Variants in LRRC43 observed in about 807,000 individuals in gnomAD.
The protein encoded by LRRC43 is leucine rich repeat containing 43.
LRRC43 carries 62 observed loss-of-function variants against 64.3 expected under a neutral mutation model. That is an observed-to-expected ratio of 0.96 (90% confidence interval 0.79 to 1.19). The LOEUF (loss-of-function observed/expected upper bound fraction) is 1.19, where lower values mean the gene tolerates loss of function less well. LRRC43 is among the 50% of genes most tolerant of loss of function. The pLI, the probability that LRRC43 is intolerant of heterozygous loss-of-function variation, is 0.00. For missense variants in LRRC43, 868 were observed against 845.0 expected (o/e 1.03, Z -0.34); for synonymous variants, 422 against 382.3 (o/e 1.10, Z -1.21).
chr12:122,174,476 A>G (rs1953519549), intron 1 of LRRC43, among the ~76,000 whole-genome samples: 1 of 152,216 alleles, frequency 6.6e-6, no homozygotes, highest in South Asian at 2.1e-4. Context: ...TCTTGGAAGG[A>G]GCCTGTTGAT....
At chr12:122,175,770 G>A (rs935108751) in intron 1 of LRRC43, among the ~76,000 whole-genome samples, 7 of 151,506 alleles carry the variant, frequency 4.6e-5, no homozygotes, top group Admixed American at 3.3e-4. Context: ...GGGTTCAAGC[G>A]ATTCTCCTGC....
chr12:122,194,575 AAAAAAG>A (rs200192420), intron 7 of LRRC43, among the ~76,000 whole-genome samples: 37,137 of 149,552 alleles, frequency 0.25, 5,291 homozygotes, highest in East Asian at 0.7. Flanking sequence ...TCAAAAAAAA[AAAAAAG>A]AAAAGAAAAG....
chr12:122,190,390 G>A (rs756496943), intron 5 of LRRC43, 22 bp downstream of exon 5: 2 of 1,588,638 alleles, frequency 1.3e-6, no homozygotes, highest in Admixed American at 3.4e-5. Context: ...GGCATGCAGG[G>A]AGGGGGTGGC....
upstream of LRRC43, among the ~76,000 whole-genome samples, chr12:122,178,582 CTTTTTTT>C (rs57204293): frequency 6.6e-5 from 4 of 60,732 alleles, no homozygotes; most frequent in South Asian, 8.1e-4. Context: ...AGGTGGCTTT[CTTTTTTT>C]TTTTTTTTTT....
At chr12:122,201,605 T>G (rs1218487204) in intron 11 of LRRC43, among the ~76,000 whole-genome samples, 1 of 152,202 alleles carries the variant, frequency 6.6e-6, no homozygotes, top group Non-Finnish European at 1.5e-5. Context: ...GCTCATCTGG[T>G]TCCGAGGTGT....
chr12:122,175,722 A>G (rs7312610), intron 1 of LRRC43, among the ~76,000 whole-genome samples: 29,004 of 151,582 alleles, frequency 0.19, 2,906 homozygotes, highest in Admixed American at 0.26. Context: ...GCTGGAGTGC[A>G]ATAGCACGAT....
intron 1 of LRRC43, chr12:122,174,221 G>A (rs1456559032): frequency 3.1e-6 from 5 of 1,612,618 alleles, no homozygotes; most frequent in South Asian, 1.1e-5. Context: ...GGAGCCAGAT[G>A]TGTTCGCCAT....
Position 122,184,620 on chromosome 12 carries a change from G to C in LRRC43, c.252G>C (p.Leu84=). ...VSPGEETVEA[L]LGLVRSRHSP... ...CCGGAGAGGAGACGGTGGAGGCCCT[G>C]CTGGGCCTGGTCCGCAGCCGCCACT... Residue 84 remains leucine (L), a synonymous_variant, in exon 2 of 12, where the codon CTG becomes CTC. Transcript: ENST00000339777. The surrounding 1 kb of genome is among the most constrained non-coding windows in gnomAD (Gnocchi z 4.0). 2 of 1,613,892 alleles carry C rather than the reference G, an allele frequency of 1.2e-6. No homozygotes were observed. The highest frequency in any genetic ancestry group is 2.2e-5 in the East Asian group (1 of 44,872).
Position 122,192,872 on chromosome 12 carries a change from TGGA to T in LRRC43, c.1222_1224del (p.Glu408del). ...GTCGAAGGGTCTCTGGAGTCTGAGG[TGGA>T]GGAGTCAGGAGAGTCGGAGCTGTCT... On this transcript the variant is annotated inframe_deletion, in exon 7 of 12. Coordinates refer to ENST00000339777, the MANE Select transcript of LRRC43 (RefSeq NM_001098519.2). 6.2e-7 allele frequency: 1 copy of T among 1,613,990 alleles called. No individual in the cohort carries two copies. Among genetic ancestry groups the T allele is most frequent in the South Asian group, 1.1e-5 (1 of 91,066 alleles).
Position 122,192,728 on chromosome 12 carries a change from T to G in LRRC43, c.1090-17T>G. 6.2e-7 allele frequency: 1 copy of G among 1,609,774 alleles called. No individual in the cohort carries two copies. The highest frequency in any genetic ancestry group is 8.5e-7 in the Non-Finnish European group (1 of 1,176,560). ...TGAAGACGGCAGCCTTGGACGAGTTTCTGTCTCTTCCTGCAGATCGTCAAG... is the reference window on the plus strand; with the variant it reads ...TGAAGACGGCAGCCTTGGACGAGTTGCTGTCTCTTCCTGCAGATCGTCAAG... On this transcript the variant is annotated splice_polypyrimidine_tract_variant and intron_variant, in intron 6 of 11. Coordinates refer to ENST00000339777, the MANE Select transcript of LRRC43 (RefSeq NM_001098519.2).
chr12:122,199,385 C>A (rs1313594566), intron 7 of LRRC43, among the ~76,000 whole-genome samples: 4 of 149,226 alleles, frequency 2.7e-5, no homozygotes, highest in African/African-American at 7.5e-5. Context: ...CAGGTTCAAG[C>A]GATTCTCCTC....
Position 122,187,727 on chromosome 12 carries a change from C to G in LRRC43, c.549C>G (p.Ile183Met). ...TGCTGGAGCTCTACGGCAATGAGATCAGCAGCATGGAGTGTCTGTGTGCCC... is the reference window on the plus strand; with the variant it reads ...TGCTGGAGCTCTACGGCAATGAGATGAGCAGCATGGAGTGTCTGTGTGCCC... ...LKVLELYGNE[I>M]SSMECLCAHP... Residue 183 changes from isoleucine to methionine, a missense_variant, in exon 4 of 12, where the codon ATC becomes ATG. Ile to Met is a conservative substitution (Grantham distance 10). Transcript: ENST00000339777. The G allele has an allele frequency of 6.2e-7, 1 of 1,613,926 alleles. No individual in the cohort carries two copies. Among genetic ancestry groups the G allele is most frequent in the Non-Finnish European group, 8.5e-7 (1 of 1,180,034 alleles).
In LRRC43 at chr12:122,184,831, G is replaced by T; in HGVS notation, c.411+52G>T. 6.5e-7 allele frequency: 1 copy of T among 1,549,452 alleles called. No homozygotes were observed. Among genetic ancestry groups the T allele is most frequent in the Non-Finnish European group, 8.7e-7 (1 of 1,144,112 alleles). The stretch of plus-strand genomic sequence containing the variant: ...TGTTAGGGTGGCCGCTCCCCTAAGG[G>T]AGGTTGTGGGGAGGGCACCCTTCCC... On this transcript the variant is annotated intron_variant, in intron 2 of 11. Transcript: ENST00000339777. This position sits in a 1 kb window ranked among gnomAD's most constrained non-coding sequence, Gnocchi z 4.0.
intron 1 of LRRC43, among the ~76,000 whole-genome samples, chr12:122,177,997 C>T (rs1043802925): frequency 8.6e-5 from 13 of 151,770 alleles, no homozygotes; most frequent in Non-Finnish European, 1.9e-4. Context: ...GCCACCATGC[C>T]TGGTTAATTT....
chr12:122,183,082 C>T, upstream of LRRC43: 1 of 1,502,426 alleles, frequency 6.7e-7, no homozygotes, highest in Non-Finnish European at 8.8e-7. Context: ...GGTGAGAGCG[C>T]CTGGAGAGGC....
At chr12:122,191,324 C>G in intron 5 of LRRC43, 56 bp from the exon 6 acceptor site, 4 of 1,495,352 alleles carry the variant, frequency 2.7e-6, no homozygotes, top group Non-Finnish European at 2.7e-6. Context: ...CTCTTGCTTT[C>G]TATCTGCCAA....
chr12:122,200,983 C>A lies in LRRC43; in HGVS notation c.1809+49C>A, dbSNP rs776378165. The A allele has an allele frequency of 3.3e-6, 5 of 1,535,496 alleles. No individual in the cohort carries two copies. The highest frequency in any genetic ancestry group is 4.4e-6 in the Non-Finnish European group (5 of 1,143,500). ...CCTCCACCTCTGCCTTCGCCCTCCC[C>A]ATGGGAACCCCGCGGGCAAGCAAGG... On this transcript the variant is annotated intron_variant, in intron 10 of 11. Transcript: ENST00000339777. The surrounding 1 kb of genome is among the most constrained non-coding windows in gnomAD (Gnocchi z 4.6).
Position 122,183,154 on chromosome 12 carries a change from T to TC in LRRC43, c.11dup (p.Tyr5ValfsTer10). 1 of 1,545,540 alleles carries TC rather than the reference T, an allele frequency of 6.5e-7. No homozygotes were observed. The highest frequency in any genetic ancestry group is 8.7e-7 in the Non-Finnish European group (1 of 1,152,376). On this transcript the variant is annotated frameshift_variant, in exon 1 of 12. Transcript: ENST00000339777. LOFTEE classifies it high-confidence loss of function. Reference sequence around the variant, plus strand: ...CAACGCGGCCCGGGCCATGGAGGCGTCGTACGAGTCCGAGTCCGAGTCCGA... The same window carrying TC: ...CAACGCGGCCCGGGCCATGGAGGCGTCCGTACGAGTCCGAGTCCGAGTCCGA...
intron 6 of LRRC43, 62 bp from the exon 7 acceptor site, chr12:122,192,683 G>A (rs972586287): frequency 3.4e-5 from 53 of 1,580,880 alleles, no homozygotes; most frequent in Non-Finnish European, 4.3e-5. Context: ...AGACACCCCC[G>A]GCATCAGCTG....
Sources: gnomAD v4.1 joint callset for allele counts (sites outside exome capture counted in the v4.1 genomes callset) on GRCh38, gnomAD v4.1.1 for gene constraint, Gnocchi (gnomAD v3.1) non-coding constraint, MANE v1.5 for transcripts, NCBI Gene and HGNC (gene_info 2026-07-23, HGNC 2026-07-21) for gene names.